Variants in ZNF594 observed in about 807,000 individuals in gnomAD.
The protein encoded by ZNF594 is zinc finger protein HZF18.
For missense variants in ZNF594, 1,037 were observed against 964.6 expected, an observed-to-expected ratio of 1.08 and a Z score of -0.99; for synonymous variants, 336 against 309.4, an observed-to-expected ratio of 1.09 and a Z score of -0.90.
At chr17:5,191,624 G>C (rs1288653065) in intron 1 of ZNF594, 124 bp downstream of exon 1, 1 of 152,488 alleles carries the variant, frequency 6.6e-6, no homozygotes, top group Non-Finnish European at 1.5e-5. Context: ...CGCACCCGGC[G>C]CCTACATCCT....
chr17:5,188,282 T>TC (rs200903755), intron 1 of ZNF594, among the ~76,000 whole-genome samples: 2 of 112,752 alleles, frequency 1.8e-5, no homozygotes, highest in South Asian at 2.6e-4. Context: ...TTTTTTTTTT[T>TC]CACAAAAAAC....
At chr17:5,174,106 TTTTA>T in the ZNF594 span, 1 of 203,348 alleles carries the variant, frequency 4.9e-6, no homozygotes, top group African/African-American at 2.3e-5. Context: ...CCACTGGTTT[TTTTA>T]TTTTGATATT....
rs2074338189 is a variant in ZNF594 at position 5,181,310 on chromosome 17, T to C, written c.*523A>G. 1 of 1,612,826 alleles carries C rather than the reference T, an allele frequency of 6.2e-7. No individual in the cohort carries two copies. Among genetic ancestry groups the C allele is most frequent in the Non-Finnish European group, 8.5e-7 (1 of 1,178,924 alleles). ...TGAAAGTTTTCCCACATTCTTTACA[T>C]TCATATGGTTTCTCTCCTGTATGAG... On this transcript the variant is annotated 3_prime_UTR_variant, in exon 2 of 2. Transcript: ENST00000575779.
At chr17:5,190,743 A>G (rs1400275757) in intron 1 of ZNF594, among the ~76,000 whole-genome samples, 1 of 152,132 alleles carries the variant, frequency 6.6e-6, no homozygotes, top group Non-Finnish European at 1.5e-5. Context: ...CCTAGCAGAG[A>G]GAGAGCCGGA....
In ZNF594 at chr17:5,180,460, A is replaced by C. The variant is rs746754644; in HGVS notation, c.*1373T>G. 6.5e-6 allele frequency: 1 copy of C among 153,992 alleles called. No homozygotes were observed. The highest frequency in any genetic ancestry group is 1.4e-5 in the Non-Finnish European group (1 of 69,336). The allele number at this position is 153,992 out of a possible 1,614,324, so 9.5% of individuals were successfully genotyped here. On this transcript the variant is annotated 3_prime_UTR_variant, in exon 2 of 2. Coordinates refer to ENST00000575779, the MANE Select transcript of ZNF594 (RefSeq NM_032530.2). ...ATTGAAATGGCTCTTTCCATGAATA[A>C]TTTAGTTTTGGGGTTGTTGCCAAAG... is the stretch of plus-strand genomic sequence containing the variant.
rs2074334549 is a variant in ZNF594 at position 5,180,937 on chromosome 17, T to C, written c.*896A>G. The C allele has an allele frequency of 1.5e-6, 1 of 668,570 alleles. No homozygotes were observed. The highest frequency in any genetic ancestry group is 2.7e-6 in the Non-Finnish European group (1 of 365,684). 41.4% of individuals were successfully genotyped at this position (668,570 alleles called of 1,614,324 possible). The stretch of plus-strand genomic sequence containing the variant: ...TTTACTGCATTCATTAGGTTTCTGC[T>C]ACCTATTAGAATAGGTCCTGTTTGT... On this transcript the variant is annotated 3_prime_UTR_variant, in exon 2 of 2. Coordinates refer to ENST00000575779, the MANE Select transcript of ZNF594 (RefSeq NM_032530.2).
downstream of ZNF594, among the ~76,000 whole-genome samples, chr17:5,175,248 C>G (rs143162066): frequency 6.6e-6 from 1 of 152,036 alleles, no homozygotes; most frequent in East Asian, 1.9e-4. Flanking sequence ...TATAGCCGCT[C>G]CCCCTTGCTC....
At chr17:5,185,252 C>T (rs2074378695) in intron 1 of ZNF594, among the ~76,000 whole-genome samples, 1 of 152,178 alleles carries the variant, frequency 6.6e-6, no homozygotes, top group African/African-American at 2.4e-5. Flanking sequence ...TACAGTTCCA[C>T]ATGGCTGGGA....
downstream of ZNF594, among the ~76,000 whole-genome samples, chr17:5,175,316 G>A (rs566177375): frequency 1.3e-5 from 2 of 152,286 alleles, no homozygotes; most frequent in East Asian, 3.9e-4. Flanking sequence ...CATTCTCACA[G>A]GAGAAAGAAC....
In ZNF594 at chr17:5,182,061, T is replaced by C. The variant is rs754888288; in HGVS notation, c.2196A>G (p.Gly732=). The C allele has an allele frequency of 6.2e-7, 1 of 1,613,668 alleles. No individual in the cohort carries two copies. The highest frequency in any genetic ancestry group is 8.5e-7 in the Non-Finnish European group (1 of 1,180,002). ...AFLKHQRLHA[G]EKLEECEKTF... Reference sequence around the variant, plus strand: ...TTTTCTCACATTCTTCAAGTTTCTCTCCAGCATGCAGTCTCTGATGTTTGA... The same window carrying C: ...TTTTCTCACATTCTTCAAGTTTCTCCCCAGCATGCAGTCTCTGATGTTTGA... The change falls in exon 2 of 2, where the codon GGA becomes GGG. Residue 732 remains glycine, a synonymous_variant. Coordinates refer to ENST00000575779, the MANE Select transcript of ZNF594 (RefSeq NM_032530.2).
chr17:5,183,777 A>G lies in ZNF594; in HGVS notation c.480T>C (p.Cys160=). ...TGNKPYVCNE[C]GKDSNQSSNL... The stretch of plus-strand genomic sequence containing the variant: ...TTGAACTTTGATTAGAGTCTTTCCC[A>G]CATTCATTACACACATATGGCTTAT... Residue 160 remains cysteine (C), a synonymous_variant, in exon 2 of 2, where the codon TGT becomes TGC. Transcript: ENST00000575779. 1.2e-6 allele frequency: 2 copies of G among 1,613,422 alleles called. No homozygotes were observed. The highest frequency in any genetic ancestry group is 4.5e-5 in the East Asian group (2 of 44,878).
chr17:5,176,225 G>A (rs1277097878), downstream of ZNF594, among the ~76,000 whole-genome samples: 8 of 151,900 alleles, frequency 5.3e-5, no homozygotes, highest in South Asian at 2.1e-4. Context: ...GAGAAACCCC[G>A]TCTCTACTAA....
the ZNF594 span, chr17:5,174,508 A>C: frequency 1.0e-5 from 2 of 192,156 alleles, no homozygotes; most frequent in African/African-American, 4.6e-5. Flanking sequence ...AAAAAATATA[A>C]TTGCAAGTAG....
Position 5,183,420 on chromosome 17 carries a change from A to G in ZNF594, c.837T>C (p.Ser279=), listed in dbSNP as rs1344495842. 4.3e-6 allele frequency: 7 copies of G among 1,613,770 alleles called. No homozygotes were observed. In the South Asian group the frequency reaches 7.7e-5, roughly 18 times the overall value. Residue 279 remains serine (S), a synonymous_variant, in exon 2 of 2, where the codon AGT becomes AGC. Coordinates refer to ENST00000575779, the MANE Select transcript of ZNF594 (RefSeq NM_032530.2). Reference sequence around the variant, plus strand: ...TTCTCTGATGTGGGACAAGGTGTGAACTTTGACTGAACATCTGTCCACAGT... The same window carrying G: ...TTCTCTGATGTGGGACAAGGTGTGAGCTTTGACTGAACATCTGTCCACAGT... The part of the protein sequence containing the change: ...CYDCGQMFSQ[S]SHLVPHQRIH...
In ZNF594 at chr17:5,181,055, ACATT is replaced by A. The variant is rs2074335506; in HGVS notation, c.*774_*777del. On this transcript the variant is annotated 3_prime_UTR_variant, in exon 2 of 2. Transcript: ENST00000575779. ...CACTGAAGGCCTTACCACAGTTGCT[ACATT>A]CAAAGGGTTTCTCTCTGGTATGAAT... 2 of 1,210,860 alleles carry A rather than the reference ACATT, an allele frequency of 1.7e-6. No individual in the cohort carries two copies. Among genetic ancestry groups the A allele is most frequent in the African/African-American group, 3.0e-5 (2 of 67,064 alleles). 75.0% of individuals were successfully genotyped at this position (1,210,860 alleles called of 1,614,324 possible). A position where few individuals can be genotyped will look rare whatever the true frequency, so the allele number is the denominator to read the frequency against.
chr17:5,181,749 C>T lies in ZNF594; in HGVS notation c.*84G>A, dbSNP rs775906485. On this transcript the variant is annotated 3_prime_UTR_variant, in exon 2 of 2. Coordinates refer to ENST00000575779, the MANE Select transcript of ZNF594 (RefSeq NM_032530.2). ...ATGAGGTTTCTCTCCAGTATGAACA[C>T]GATGGTGTTTAATAAGATCTGAGCT... 29 of 1,598,110 alleles carry T rather than the reference C, an allele frequency of 1.8e-5. No individual in the cohort carries two copies. The highest frequency in any genetic ancestry group is 1.0e-4 in the Admixed American group (6 of 59,974).
downstream of ZNF594, among the ~76,000 whole-genome samples, chr17:5,179,353 G>A (rs568119881): frequency 2.7e-5 from 4 of 150,402 alleles, no homozygotes; most frequent in African/African-American, 4.9e-5. Context: ...TGCACCAAGC[G>A]AGGCTGGGTC....
At position 5,183,722 on chromosome 17, in the gene ZNF594, C is replaced by A; in HGVS notation, c.535G>T (p.Gly179Ter). 1 of 1,612,058 alleles carries A rather than the reference C, an allele frequency of 6.2e-7. No individual in the cohort carries two copies. The highest frequency in any genetic ancestry group is 8.5e-7 in the Non-Finnish European group (1 of 1,179,202). Reference sequence around the variant, plus strand: ...TCATGACATATATAAGGTTTCTTTCCTGTATGAATTCTCTGATGTATAATA... The same window carrying A: ...TCATGACATATATAAGGTTTCTTTCATGTATGAATTCTCTGATGTATAATA... ...NLIIHQRIHT[G>*]KKPYICHECG... Residue 179 changes from glycine to a stop codon, truncating the protein, a stop_gained, in exon 2 of 2, where the codon GGA (glycine) becomes TGA (stop). Transcript: ENST00000575779. LOFTEE classifies it low-confidence loss of function (END_TRUNC).
downstream of ZNF594, among the ~76,000 whole-genome samples, chr17:5,178,658 TTAAGTACA>T (rs755375227): frequency 1.3e-5 from 2 of 152,280 alleles, no homozygotes; most frequent in Non-Finnish European, 1.5e-5. Flanking sequence ...CGTTAAGTAT[TTAAGTACA>T]TAAGTACATA....
Sources: gnomAD v4.1 joint callset for allele counts (sites outside exome capture counted in the v4.1 genomes callset) on GRCh38, gnomAD v4.1.1 for gene constraint, MANE v1.5 for transcripts, NCBI Gene and HGNC (gene_info 2026-07-23, HGNC 2026-07-21) for gene names.